ZNF423: variants seen among roughly 807,000 people sequenced by gnomAD.
ZNF423 encodes zinc finger protein 423.
Under a neutral mutation model 95.8 loss-of-function variants are expected in ZNF423, and 12 were observed. The ratio of observed to expected loss-of-function variants is 0.13; its 90% confidence interval spans 0.08 to 0.20. The LOEUF (loss-of-function observed/expected upper bound fraction) is 0.20. Among genes scored for constraint, ZNF423 ranks in the 10% least tolerant of loss-of-function variants. ZNF423 has a pLI of 1.00. For synonymous variants in ZNF423, 749 were observed against 711.9 expected, an observed-to-expected ratio of 1.05 and a Z score of -0.83; for missense variants, 1,316 against 1,737.1, an observed-to-expected ratio of 0.76 and a Z score of 4.31.
At chr16:49,596,113 A>G (rs1971170598) in intron 5 of ZNF423, among the ~76,000 whole-genome samples, 1 of 152,242 alleles carries the variant, frequency 6.6e-6, no homozygotes, top group Non-Finnish European at 1.5e-5. Context: ...AACATAAAAT[A>G]TACAACTGCA....
chr16:49,611,160 T>C (rs1490376428), intron 5 of ZNF423, among the ~76,000 whole-genome samples: 3 of 152,070 alleles, frequency 2.0e-5, no homozygotes, highest in Admixed American at 1.3e-4. Flanking sequence ...CAGGATCTAA[T>C]AGACATTTAT....
intron 1 of ZNF423, among the ~76,000 whole-genome samples, chr16:49,833,116 T>C (rs1442955190): frequency 3.9e-5 from 6 of 152,184 alleles, no homozygotes; most frequent in Admixed American, 2.0e-4. Context: ...TGGCCCCTCA[T>C]GGGACCCTGA....
At chr16:49,590,052 TTGGTCC>T (rs1970964655) in intron 5 of ZNF423, among the ~76,000 whole-genome samples, 4 of 85,614 alleles carry the variant, frequency 4.7e-5, no homozygotes, top group African/African-American at 8.6e-5. Context: ...ATATATATAT[TTGGTCC>T]ATACAGACGT....
intron 4 of ZNF423, among the ~76,000 whole-genome samples, chr16:49,626,698 A>G (rs1972285095): frequency 6.6e-6 from 1 of 150,904 alleles, no homozygotes; most frequent in Non-Finnish European, 1.5e-5. Flanking sequence ...TCCATCTACC[A>G]TCCATCCTCC....
intron 3 of ZNF423, among the ~76,000 whole-genome samples, chr16:49,639,526 G>A (rs992182581): frequency 2.6e-5 from 4 of 152,172 alleles, no homozygotes; most frequent in African/African-American, 9.7e-5. Flanking sequence ...GGTGGGAAGG[G>A]AACCTAGGGC....
At chr16:49,715,953 T>C (rs536886958) in intron 3 of ZNF423, among the ~76,000 whole-genome samples, 62 of 151,236 alleles carry the variant, frequency 4.1e-4, no homozygotes, top group Middle Eastern at 3.4e-3. Flanking sequence ...GAGGCTGAGG[T>C]GGAAGGATTG....
At chr16:49,764,599 C>G (rs1320395499) in intron 2 of ZNF423, 3 of 151,938 alleles carry the variant, frequency 2.0e-5, no homozygotes, top group Non-Finnish European at 4.4e-5. Flanking sequence ...AGAAGCCATG[C>G]CACCAGCAAC....
Position 49,671,839 on chromosome 16 carries a change from C to A in ZNF423, c.302-32965G>T, listed in dbSNP as rs532603390. 2.8e-4 allele frequency among the ~76,000 whole-genome samples: 42 copies of A among 152,174 alleles called. 1 individual carries two copies. The South Asian group carries it at 8.1e-3, about 29-fold the overall frequency. On this transcript the variant is annotated intron_variant, in intron 3 of 7. Coordinates refer to ENST00000563137, the MANE Select transcript of ZNF423 (RefSeq NM_001379286.1). ...AGCTGGGATTACAGGCAGACACCAC[C>A]AGGCTAGGCTAATCTGTGTATTTTT...
Position 49,490,938 on chromosome 16 carries a change from C to CT in ZNF423, c.*336dup. 1 of 257,186 alleles carries CT rather than the reference C, an allele frequency of 3.9e-6. No individual in the cohort carries two copies. The highest frequency in any genetic ancestry group is 7.3e-6 in the Non-Finnish European group (1 of 136,272). 15.9% of individuals were successfully genotyped at this position (257,186 alleles called of 1,614,324 possible). ...GCAAAGAAAAAAAATCACACTAATT[C>CT]TTTTTTAAAAACTATCAATATAATA... On this transcript the variant is annotated 3_prime_UTR_variant, in exon 8 of 8. Transcript: ENST00000563137.
intron 1 of ZNF423, among the ~76,000 whole-genome samples, chr16:49,834,274 T>C (rs897837596): frequency 4.6e-5 from 7 of 151,884 alleles, no homozygotes; most frequent in African/African-American, 1.7e-4. Flanking sequence ...AAAATACAGA[T>C]TGAGACAGCA....
chr16:49,725,641 G>T (rs557039625), intron 3 of ZNF423, among the ~76,000 whole-genome samples: 1 of 152,194 alleles, frequency 6.6e-6, no homozygotes, highest in Admixed American at 6.5e-5. Context: ...CTGTGTGGGC[G>T]TGGGGGCTGC....
chr16:49,791,724 G>A (rs769427530), intron 1 of ZNF423, among the ~76,000 whole-genome samples: 5 of 152,138 alleles, frequency 3.3e-5, no homozygotes, highest in East Asian at 3.9e-4. Flanking sequence ...GTCCAGGGCC[G>A]AACACAGTGG....
rs144018266 is a variant in ZNF423, at chr16:49,525,861, T to A, written c.3602-367A>T. ...GGAGAAGGTGGTCCAACCAGGATTT[T>A]AAAAAATCCAATCAAATATTTATTG... On this transcript the variant is annotated intron_variant, in intron 5 of 7. Transcript: ENST00000563137. 1.7e-3 allele frequency among the ~76,000 whole-genome samples: 261 copies of A among 152,352 alleles called. 2 individuals are homozygous for A. Among genetic ancestry groups the A allele is most frequent in the East Asian group, 7.7e-4 (4 of 5,182 alleles).
intron 7 of ZNF423, among the ~76,000 whole-genome samples, chr16:49,514,827 G>A (rs1968067337): frequency 6.6e-6 from 1 of 152,194 alleles, no homozygotes; most frequent in African/African-American, 2.4e-5. Flanking sequence ...CAAGATTCCA[G>A]GGCGTGGCGC....
At chr16:49,802,150 G>C (rs1465816480) in intron 1 of ZNF423, among the ~76,000 whole-genome samples, 2 of 152,128 alleles carry the variant, frequency 1.3e-5, no homozygotes, top group Admixed American at 1.3e-4. Flanking sequence ...GCCCAGCTGG[G>C]AGTAGAATTC....
intron 5 of ZNF423, among the ~76,000 whole-genome samples, chr16:49,593,041 T>A (rs1398403073): frequency 6.6e-6 from 1 of 152,102 alleles, no homozygotes; most frequent in South Asian, 2.1e-4. Context: ...CTGATCAAGA[T>A]GGATTTGGAG....
Position 49,637,959 on chromosome 16 carries a change from C to T in ZNF423, c.1217G>A (p.Arg406Gln), listed in dbSNP as rs375001883. The T allele has an allele frequency of 5.9e-5, 95 of 1,614,020 alleles. No homozygotes were observed. Among genetic ancestry groups the T allele is most frequent in the Non-Finnish European group, 7.7e-5 (91 of 1,180,046 alleles). Residue 406 changes from arginine (R) to glutamine (Q), a missense_variant, in exon 4 of 8, where the codon CGG (arginine) becomes CAG (glutamine). By Grantham distance (43) the Arg-to-Gln change is conservative. Coordinates refer to ENST00000563137, the MANE Select transcript of ZNF423 (RefSeq NM_001379286.1). The surrounding 1 kb of genome is among the most constrained non-coding windows in gnomAD (Gnocchi z 5.6). ...LKPLRGQKKMRDDGQGWTKVV... is the reference protein window; with the variant it reads ...LKPLRGQKKMQDDGQGWTKVV... The stretch of plus-strand genomic sequence containing the variant: ...CTTGGTCCAGCCCTGCCCGTCATCC[C>T]GCATCTTCTTCTGCCCCCGCAGCGG...
At chr16:49,814,714 G>A (rs562962339) in intron 1 of ZNF423, among the ~76,000 whole-genome samples, 5 of 151,180 alleles carry the variant, frequency 3.3e-5, no homozygotes, top group East Asian at 4.0e-4. Flanking sequence ...AAATTAATCC[G>A]CAATGAGTTT....
At chr16:49,644,798 G>A (rs1172992544) in intron 3 of ZNF423, among the ~76,000 whole-genome samples, 5 of 150,828 alleles carry the variant, frequency 3.3e-5, no homozygotes, top group Non-Finnish European at 4.4e-5. Flanking sequence ...GCTGAATACT[G>A]CAGGGTCGCC....
Sources: gnomAD v4.1 joint callset for allele counts (sites outside exome capture counted in the v4.1 genomes callset) on GRCh38, gnomAD v4.1.1 for gene constraint, Gnocchi (gnomAD v3.1) non-coding constraint, MANE v1.5 for transcripts, NCBI Gene and HGNC (gene_info 2026-07-23, HGNC 2026-07-21) for gene names.